TTL: variants seen among roughly 807,000 people sequenced by gnomAD.
The protein encoded by TTL is tubulin--tyrosine ligase.
A neutral mutation model predicts 41.1 loss-of-function variants in TTL; 10 were observed. The observed-to-expected ratio is 0.24, with a 90% CI of 0.15 to 0.41. The LOEUF is 0.41. Among genes scored for constraint, TTL ranks in the 10% least tolerant of loss-of-function variants. TTL has a pLI of 1.00. For missense variants in TTL, 367 were observed against 460.4 expected (o/e 0.80, Z 1.86); for synonymous variants, 175 against 175.5 (o/e 1.00, Z 0.02).
At chr2:112,496,942 TC>T (rs1681548819) in intron 3 of TTL, among the ~76,000 whole-genome samples, 1 of 151,942 alleles carries the variant, frequency 6.6e-6, no homozygotes, top group Admixed American at 6.6e-5. Flanking sequence ...TGCCTCAGTA[TC>T]CCGAGTAGCT....
At chr2:112,489,248 C>T (rs542157304) in intron 2 of TTL, among the ~76,000 whole-genome samples, 7 of 152,212 alleles carry the variant, frequency 4.6e-5, no homozygotes, top group African/African-American at 7.2e-5. Context: ...ATATGTAGCA[C>T]ATCTTAATTC....
chr2:112,483,232 GAAGCT>G (rs928837356), intron 1 of TTL: 3 of 152,314 alleles, frequency 2.0e-5, no homozygotes, highest in Non-Finnish European at 4.4e-5. Flanking sequence ...CCACATGGTT[GAAGCT>G]GGCTGGGCAC....
intron 5 of TTL, among the ~76,000 whole-genome samples, chr2:112,519,110 A>G (rs938372183): frequency 7.2e-5 from 11 of 151,920 alleles, no homozygotes; most frequent in Non-Finnish European, 1.0e-4. Flanking sequence ...GTGAAAAATC[A>G]GGGAAGATCT....
intron 6 of TTL, among the ~76,000 whole-genome samples, chr2:112,523,738 T>G (rs568679844): frequency 3.3e-5 from 5 of 151,424 alleles, no homozygotes; most frequent in Non-Finnish European, 5.9e-5. Flanking sequence ...GTGCAAAGGC[T>G]TCTGAAGCAT....
In TTL at chr2:112,534,349, AAG is replaced by A. The variant is rs1682562935; in HGVS notation, c.*5555_*5556del. On this transcript the variant is annotated 3_prime_UTR_variant, in exon 7 of 7. Transcript: ENST00000233336. The stretch of plus-strand genomic sequence containing the variant: ...AAAAAAAAAAAAAAAAAAAAAAGGA[AAG>A]GGTTGCATCTGGGTAAGAAAAGCAA... 1 of 144,480 alleles carries A rather than the reference AAG, an allele frequency of 6.9e-6. No individual in the cohort carries two copies. The highest frequency in any genetic ancestry group is 2.6e-5 in the African/African-American group (1 of 39,120). The allele number at this position is 144,480 out of a possible 1,614,324, so 8.9% of individuals were successfully genotyped here.
At chr2:112,521,139 C>T (rs542983146) in intron 6 of TTL, 160 of 979,886 alleles carry the variant, frequency 1.6e-4, no homozygotes, top group South Asian at 3.3e-4. Context: ...AAGAGGGTTC[C>T]GCTGCACCAA....
In TTL at chr2:112,482,382, T is replaced by C; in HGVS notation, c.38T>C (p.Val13Ala). The change falls in exon 1 of 7, where the codon GTC becomes GCC. Residue 13 changes from valine to alanine, a missense_variant. Transcript: ENST00000233336. The surrounding 1 kb of genome is among the most constrained non-coding windows in gnomAD (Gnocchi z 5.3). ...GTGGTACGCGATGAGAACAGCAGCG[T>C]CTACGCCGAGGTCTCCCGGCTGCTC... ...TFVVRDENSS[V>A]YAEVSRLLLA... 1.3e-6 allele frequency: 2 copies of C among 1,588,728 alleles called. No individual in the cohort carries two copies. Among genetic ancestry groups the C allele is most frequent in the Non-Finnish European group, 1.7e-6 (2 of 1,168,612 alleles).
At chr2:112,492,605 C>T (rs1313097904) in intron 2 of TTL, among the ~76,000 whole-genome samples, 1 of 152,150 alleles carries the variant, frequency 6.6e-6, no homozygotes, top group Non-Finnish European at 1.5e-5. Context: ...GTGGTGGGCA[C>T]CTGTAGTCCC....
chr2:112,495,251 G>A (rs924478530), intron 3 of TTL, among the ~76,000 whole-genome samples: 4 of 152,124 alleles, frequency 2.6e-5, no homozygotes, highest in African/African-American at 9.7e-5. Flanking sequence ...AATAGCCTCC[G>A]TGTCCATTGC....
intron 5 of TTL, among the ~76,000 whole-genome samples, chr2:112,517,268 G>A (rs1682096366): frequency 6.6e-6 from 1 of 151,078 alleles, no homozygotes; most frequent in South Asian, 2.1e-4. Flanking sequence ...ATTTTTTTGA[G>A]ACAGAGTCTT....
chr2:112,496,612 A>G (rs1462847065), intron 3 of TTL, among the ~76,000 whole-genome samples: 2 of 151,136 alleles, frequency 1.3e-5, no homozygotes, highest in Non-Finnish European at 2.9e-5. Flanking sequence ...TTTGCTGTAG[A>G]TGACCCTTGT....
chr2:112,497,736 C>A (rs530743253), intron 3 of TTL, among the ~76,000 whole-genome samples: 1 of 151,618 alleles, frequency 6.6e-6, no homozygotes, highest in Non-Finnish European at 1.5e-5. Flanking sequence ...AGGGCGTTAA[C>A]GTTTGGGAAA....
At chr2:112,497,490 C>T (rs1200981035) in intron 3 of TTL, among the ~76,000 whole-genome samples, 1 of 152,160 alleles carries the variant, frequency 6.6e-6, no homozygotes, top group African/African-American at 2.4e-5. Context: ...AAAGTATCAC[C>T]ATTTTTGTTT....
rs1682514872 is a variant in TTL, at chr2:112,531,751, G to A, written c.*2956G>A. On this transcript the variant is annotated 3_prime_UTR_variant, in exon 7 of 7. Transcript: ENST00000233336. ...TAAGGATGACCGGATGTTGCCGTAT[G>A]TATTTATGGCACAAGCAGGTGTTGT... is the stretch of plus-strand genomic sequence containing the variant. 4.5e-6 allele frequency: 1 copy of A among 223,502 alleles called. No individual in the cohort carries two copies. 13.8% of individuals were successfully genotyped at this position (223,502 alleles called of 1,614,324 possible).
intron 5 of TTL, among the ~76,000 whole-genome samples, chr2:112,519,012 G>A (rs1682152203): frequency 6.6e-6 from 1 of 152,030 alleles, no homozygotes; most frequent in Non-Finnish European, 1.5e-5. Flanking sequence ...ACACAGCTGT[G>A]TAGAAGGACA....
intron 3 of TTL, among the ~76,000 whole-genome samples, chr2:112,494,746 C>G (rs1299325646): frequency 6.6e-6 from 1 of 152,166 alleles, no homozygotes; most frequent in Admixed American, 6.6e-5. Context: ...TAGGATTCAT[C>G]CTTGACTACT....
At chr2:112,516,332 C>T (rs1682068945) in intron 5 of TTL, among the ~76,000 whole-genome samples, 1 of 152,018 alleles carries the variant, frequency 6.6e-6, no homozygotes, top group African/African-American at 2.4e-5. Context: ...TCCCATTGAC[C>T]CAGGGCCACT....
intron 5 of TTL, among the ~76,000 whole-genome samples, chr2:112,515,839 C>T (rs1339167101): frequency 6.6e-6 from 1 of 152,028 alleles, no homozygotes; most frequent in Non-Finnish European, 1.5e-5. Flanking sequence ...CCCAGTTACT[C>T]AGGAGGCTGA....
rs1006517317 is a variant in TTL, at chr2:112,540,970, G to A, written c.*12175G>A. On this transcript the variant is annotated 3_prime_UTR_variant, in exon 7 of 7. Transcript: ENST00000233336. ...GGGTGACTGCAGTCAGCAATAATTT[G>A]TTGTACCTTCAAAAATAACTGAGGA... The A allele has an allele frequency of 2.0e-5, 3 of 152,194 alleles. No homozygotes were observed. Among genetic ancestry groups the A allele is most frequent in the African/African-American group, 7.2e-5 (3 of 41,436 alleles). The allele number at this position is 152,194 out of a possible 1,614,324, so 9.4% of individuals were successfully genotyped here.
Sources: gnomAD v4.1 joint callset for allele counts (sites outside exome capture counted in the v4.1 genomes callset) on GRCh38, gnomAD v4.1.1 for gene constraint, Gnocchi (gnomAD v3.1) non-coding constraint, MANE v1.5 for transcripts, NCBI Gene and HGNC (gene_info 2026-07-23, HGNC 2026-07-21) for gene names.